PTPN13: variants seen among roughly 807,000 people sequenced by gnomAD.
PTPN13 encodes tyrosine-protein phosphatase non-receptor type 13.
PTPN13 carries 191 observed loss-of-function variants against 284.0 expected under a neutral mutation model. That is an observed-to-expected ratio of 0.67 (90% CI 0.60 to 0.76). PTPN13 has a LOEUF of 0.76. PTPN13 is among the 30% of genes least tolerant of loss of function. The pLI is 0.00. For missense variants in PTPN13, 2,797 were observed against 2,939.9 expected (o/e 0.95, Z 1.12); for synonymous variants, 986 against 1,022.3 (o/e 0.96, Z 0.68).
chr4:86,698,265 A>G (rs1308680965), intron 6 of PTPN13, among the ~76,000 whole-genome samples: 1 of 152,202 alleles, frequency 6.6e-6, no homozygotes, highest in Non-Finnish European at 1.5e-5. Context: ...TTGAACAATC[A>G]GTTGAGTAAT....
At chr4:86,595,233 C>A in intron 1 of PTPN13, among the ~76,000 whole-genome samples, 1 of 151,526 alleles carries the variant, frequency 6.6e-6, no homozygotes, top group South Asian at 2.1e-4. Flanking sequence ...AGAGGCCGCC[C>A]AGAAGAATGT....
intron 26 of PTPN13, 94 bp from the exon 27 acceptor site, chr4:86,766,338 G>T (rs1157449598): frequency 1.6e-5 from 15 of 953,356 alleles, no homozygotes; most frequent in Non-Finnish European, 2.0e-5. Flanking sequence ...ATTTGCCTGA[G>T]TCCCTCCTCA....
At chr4:86,802,835 G>A (rs1744181611) in intron 42 of PTPN13, among the ~76,000 whole-genome samples, 1 of 152,154 alleles carries the variant, frequency 6.6e-6, no homozygotes, top group African/African-American at 2.4e-5. Context: ...ACTTTGGGAG[G>A]CCAAGGCAGG....
At position 86,767,850 on chromosome 4, in the gene PTPN13, C is replaced by T. The variant is rs768263406; in HGVS notation, c.4363C>T (p.Pro1455Ser). ...VHLLLEKGQS[P>S]TSKEHVPVTP... ...TCTGTTATTAGAAAAGGGACAATCTCCAACATCTAAAGAACATGTCCCGGT... is the reference window on the plus strand; with the variant it reads ...TCTGTTATTAGAAAAGGGACAATCTTCAACATCTAAAGAACATGTCCCGGT... The change falls in exon 28 of 48, where the codon CCA (proline) becomes TCA (serine). Residue 1455 changes from proline to serine, a missense_variant. Physicochemically the swap from Pro to Ser is moderately conservative, Grantham distance 74. Transcript: ENST00000411767. The T allele has an allele frequency of 1.3e-6, 2 of 1,598,248 alleles. No individual in the cohort carries two copies. Among genetic ancestry groups the T allele is most frequent in the Non-Finnish European group, 1.7e-6 (2 of 1,171,212 alleles).
rs529457771 is a variant in PTPN13 at position 86,742,497 on chromosome 4, A to C, written c.2487+681A>C. ...TTTGTTTTCCTAGTGCTATTCAGGA[A>C]CTACTGATACCTTTAGTTCATCTTT... On this transcript the variant is annotated intron_variant, in intron 16 of 47. Transcript: ENST00000411767. 5.5e-4 allele frequency among the ~76,000 whole-genome samples: 84 copies of C among 152,328 alleles called. 2 individuals carry two copies. In the South Asian group the frequency reaches 0.016, roughly 30 times the overall value.
intron 7 of PTPN13, among the ~76,000 whole-genome samples, chr4:86,706,090 A>G (rs1731737250): frequency 1.3e-5 from 2 of 152,204 alleles, no homozygotes; most frequent in Non-Finnish European, 1.5e-5. Context: ...AAGGGACACA[A>G]GACCTTCAAA....
intron 7 of PTPN13, among the ~76,000 whole-genome samples, chr4:86,706,377 G>A (rs1223694908): frequency 1.3e-5 from 2 of 152,064 alleles, no homozygotes; most frequent in African/African-American, 2.4e-5. Flanking sequence ...TGCCTTCCAA[G>A]TCCCTTAAGT....
chr4:86,756,512 C>T (rs1220451086), intron 20 of PTPN13, among the ~76,000 whole-genome samples: 1 of 151,864 alleles, frequency 6.6e-6, no homozygotes, highest in Admixed American at 6.6e-5. Flanking sequence ...ACCGAATTAC[C>T]ACTACTCTTA....
intron 1 of PTPN13, among the ~76,000 whole-genome samples, chr4:86,604,662 A>T (rs1438283864): frequency 1.3e-5 from 2 of 152,054 alleles, no homozygotes; most frequent in Admixed American, 1.3e-4. Flanking sequence ...ATAGAAAAAA[A>T]TACCACAGCA....
intron 15 of PTPN13, 145 bp from the exon 16 acceptor site, chr4:86,741,489 C>A: frequency 3.0e-6 from 2 of 657,074 alleles, no homozygotes; most frequent in Non-Finnish European, 5.2e-6. Flanking sequence ...GATTCAGTTA[C>A]CTCTCAGTGG....
rs566564825 is a variant in PTPN13 at position 86,759,326 on chromosome 4, C to T, written c.3553+253C>T. 3.3e-5 allele frequency among the ~76,000 whole-genome samples: 5 copies of T among 152,266 alleles called. No individual in the cohort carries two copies. The East Asian group carries it at 9.6e-4, about 29-fold the overall frequency. ...CCAGATGATGAAAAGGAAAGGACCA[C>T]CACCAAAAACCAGAAATTTTAAAAC... On this transcript the variant is annotated intron_variant, in intron 23 of 47. Coordinates refer to ENST00000411767, the MANE Select transcript of PTPN13 (RefSeq NM_080683.3).
chr4:86,773,275 T>A (rs569034613), intron 32 of PTPN13, among the ~76,000 whole-genome samples: 1 of 152,216 alleles, frequency 6.6e-6, no homozygotes. Flanking sequence ...GTGGTGAAGA[T>A]TAAATGAAAT....
chr4:86,757,036 A>G (rs144552920), intron 20 of PTPN13, among the ~76,000 whole-genome samples: 1 of 152,320 alleles, frequency 6.6e-6, no homozygotes, highest in East Asian at 1.9e-4. Flanking sequence ...TCACACACAG[A>G]CCAATTTGAA....
rs548124364 is a variant in PTPN13 at position 86,656,641 on chromosome 4, G to A, written c.116-15724G>A. 2.0e-5 allele frequency among the ~76,000 whole-genome samples: 3 copies of A among 152,308 alleles called. No individual in the cohort carries two copies. The South Asian group carries it at 6.2e-4, about 32-fold the overall frequency. ...GAGGTGTCAGTCTGCCCCTACTGGA[G>A]GGTGCCTCCCAGTTAGGCTACTCGG... On this transcript the variant is annotated intron_variant, in intron 2 of 47. Coordinates refer to ENST00000411767, the MANE Select transcript of PTPN13 (RefSeq NM_080683.3).
chr4:86,617,228 A>T (rs1720656344), intron 1 of PTPN13, among the ~76,000 whole-genome samples: 1 of 152,158 alleles, frequency 6.6e-6, no homozygotes, highest in African/African-American at 2.4e-5. Context: ...ATTTAAATTT[A>T]CATTAATTAA....
Position 86,775,317 on chromosome 4 carries a change from A to G in PTPN13, c.5655A>G (p.Thr1885=), listed in dbSNP as rs12507034. The G allele has an allele frequency of 0.1, 169,024 of 1,610,234 alleles. 9,719 individuals are homozygous for G. The highest frequency in any genetic ancestry group is 0.12 in the Non-Finnish European group (136,865 of 1,177,616). The change falls in exon 34 of 48, where the codon ACA becomes ACG. Residue 1885 remains threonine (T), a synonymous_variant. Coordinates refer to ENST00000411767, the MANE Select transcript of PTPN13 (RefSeq NM_080683.3). ...TGCCTCATTTGCTACCGGACATAAC[A>G]CTAACGTGCAACAAAGAGGAGTTGG... ...PMLPHLLPDI[T]LTCNKEELGF... is the part of the protein sequence containing the mutation.
chr4:86,700,895 G>T (rs1390915307), intron 6 of PTPN13, among the ~76,000 whole-genome samples: 1 of 152,010 alleles, frequency 6.6e-6, no homozygotes, highest in African/African-American at 2.4e-5. Flanking sequence ...TTCCATTACT[G>T]CCCCAAATCA....
At chr4:86,670,392 C>A (rs2148887133) in intron 2 of PTPN13, among the ~76,000 whole-genome samples, 1 of 151,704 alleles carries the variant, frequency 6.6e-6, no homozygotes, top group East Asian at 1.9e-4. Context: ...CCCACCTCAG[C>A]AGCCTGCACT....
At chr4:86,706,496 G>T (rs1731783583) in intron 7 of PTPN13, among the ~76,000 whole-genome samples, 1 of 152,150 alleles carries the variant, frequency 6.6e-6, no homozygotes, top group African/African-American at 2.4e-5. Context: ...ATAAGGTGCA[G>T]GGGTTAAGGT....
Sources: allele counts gnomAD v4.1 joint callset (sites outside exome capture counted in the v4.1 genomes callset), GRCh38; gene constraint gnomAD v4.1.1; transcripts MANE v1.5; gene names NCBI Gene and HGNC (gene_info 2026-07-23, HGNC 2026-07-21).